Variants in OPCML observed in about 807,000 individuals in gnomAD.
OPCML encodes opioid binding protein/cell adhesion molecule like, also known as opioid-binding protein/cell adhesion molecule.
OPCML carries 13 observed loss-of-function variants against 37.8 expected under a neutral mutation model. That is an observed-to-expected ratio of 0.34 (90% CI 0.22 to 0.55). OPCML has a LOEUF of 0.55. Ranked by LOEUF, OPCML falls within the 20% of genes least tolerant of loss-of-function variation. OPCML has a pLI of 0.91. For missense variants in OPCML, 341 were observed against 435.6 expected (o/e 0.78, Z 1.93); for synonymous variants, 176 against 168.8 (o/e 1.04, Z -0.33).
Position 133,124,601 on chromosome 11 carries a change from C to T in OPCML, c.62-181591G>A, listed in dbSNP as rs1488372699. ...AGGTGTCCGTTCCAATCACAGAGCC[C>T]CACTGCAGAGCCCAGCAGACAGTAT... On this transcript the variant is annotated intron_variant, in intron 1 of 7. Coordinates refer to ENST00000524381, the MANE Select transcript of OPCML (RefSeq NM_001012393.5). 3.3e-5 allele frequency among the ~76,000 whole-genome samples: 5 copies of T among 152,106 alleles called. No homozygotes were observed. In the East Asian group the frequency reaches 9.6e-4, roughly 29 times the overall value.
intron 2 of OPCML, among the ~76,000 whole-genome samples, chr11:132,826,496 A>T (rs754237739): frequency 1.3e-5 from 2 of 152,294 alleles, no homozygotes; most frequent in African/African-American, 2.4e-5. Context: ...AGGTGAAAAA[A>T]ATGTGAAAGG....
chr11:133,515,151 C>A (rs1948238526), intron 1 of OPCML, among the ~76,000 whole-genome samples: 1 of 152,222 alleles, frequency 6.6e-6, no homozygotes. Flanking sequence ...GAACCAGAAG[C>A]TCCTCACAGA....
At chr11:132,911,552 A>C (rs1206595551) in intron 2 of OPCML, among the ~76,000 whole-genome samples, 2 of 152,204 alleles carry the variant, frequency 1.3e-5, no homozygotes, top group Non-Finnish European at 2.9e-5. Context: ...AAGAAAGTCA[A>C]ACACAGAGAC....
chr11:133,034,751 C>CT (rs5795815), intron 1 of OPCML, among the ~76,000 whole-genome samples: 1,465 of 141,706 alleles, frequency 0.01, 16 homozygotes, highest in East Asian at 0.028. Context: ...GTTTTTTTTC[C>CT]TTTTTTTTTT....
At chr11:133,285,125 AC>A (rs1304321689) in intron 1 of OPCML, among the ~76,000 whole-genome samples, 2 of 152,198 alleles carry the variant, frequency 1.3e-5, no homozygotes, top group African/African-American at 4.8e-5. Flanking sequence ...CTAGATGAGA[AC>A]CCAAGACACG....
At chr11:132,826,874 T>C (rs962985359) in intron 2 of OPCML, among the ~76,000 whole-genome samples, 4 of 152,168 alleles carry the variant, frequency 2.6e-5, no homozygotes, top group Non-Finnish European at 5.9e-5. Context: ...CTGAATACTT[T>C]TAGTGTCCAT....
At chr11:133,386,898 C>T (rs535904864) in intron 1 of OPCML, among the ~76,000 whole-genome samples, 1 of 152,316 alleles carries the variant, frequency 6.6e-6, no homozygotes, top group South Asian at 2.1e-4. Context: ...AGACAGAATG[C>T]TCAGGGTATC....
At chr11:132,693,415 C>T (rs985396550) in intron 2 of OPCML, among the ~76,000 whole-genome samples, 1 of 152,126 alleles carries the variant, frequency 6.6e-6, no homozygotes, top group Non-Finnish European at 1.5e-5. Flanking sequence ...CCACTGGGGC[C>T]CTAAGTGATT....
At chr11:133,129,512 A>G (rs1179500034) in intron 1 of OPCML, among the ~76,000 whole-genome samples, 1 of 152,222 alleles carries the variant, frequency 6.6e-6, no homozygotes, top group Non-Finnish European at 1.5e-5. Flanking sequence ...ATCCCAGGAC[A>G]AAGGTCAATA....
chr11:132,847,001 G>A (rs892189944), intron 2 of OPCML, among the ~76,000 whole-genome samples: 8 of 152,194 alleles, frequency 5.3e-5, no homozygotes, highest in Admixed American at 3.3e-4. Context: ...ACATAAAGAT[G>A]TTCCCCCCAA....
chr11:133,182,816 G>A (rs1483049217), intron 1 of OPCML, among the ~76,000 whole-genome samples: 1 of 152,136 alleles, frequency 6.6e-6, no homozygotes, highest in Non-Finnish European at 1.5e-5. Context: ...GCGAAAGGAT[G>A]TGCATATATA....
At chr11:132,833,198 T>G (rs1283508518) in intron 2 of OPCML, among the ~76,000 whole-genome samples, 1 of 152,266 alleles carries the variant, frequency 6.6e-6, no homozygotes, top group East Asian at 1.9e-4. Context: ...AATACAAATT[T>G]GTACATCACA....
chr11:133,217,176 C>G (rs905063759), intron 1 of OPCML, among the ~76,000 whole-genome samples: 2 of 152,300 alleles, frequency 1.3e-5, no homozygotes, highest in Non-Finnish European at 2.9e-5. Flanking sequence ...ACTAGACCCC[C>G]CATCTCTCTT....
At chr11:133,204,052 C>G (rs1938921727) in intron 1 of OPCML, among the ~76,000 whole-genome samples, 2 of 52,046 alleles carry the variant, frequency 3.8e-5, no homozygotes. Context: ...GAGCGAGACT[C>G]TGTCTCAAAA....
At chr11:133,471,535 G>A (rs1402355260) in intron 1 of OPCML, among the ~76,000 whole-genome samples, 2 of 152,146 alleles carry the variant, frequency 1.3e-5, no homozygotes, top group Non-Finnish European at 2.9e-5. Flanking sequence ...AGGGGAACTG[G>A]TTGGCTGGGG....
At chr11:132,910,481 C>T (rs545724274) in intron 2 of OPCML, among the ~76,000 whole-genome samples, 23 of 152,354 alleles carry the variant, frequency 1.5e-4, no homozygotes, top group Non-Finnish European at 2.5e-4. Context: ...CCAAAATCTT[C>T]ACATAGGGAG....
chr11:132,902,023 C>T (rs902555312), intron 2 of OPCML, among the ~76,000 whole-genome samples: 3 of 152,138 alleles, frequency 2.0e-5, no homozygotes, highest in African/African-American at 4.8e-5. Flanking sequence ...CTTTTTACTC[C>T]AGCATAAGGT....
intron 1 of OPCML, among the ~76,000 whole-genome samples, chr11:133,367,710 A>C (rs1055315415): frequency 5.9e-5 from 9 of 152,222 alleles, no homozygotes; most frequent in Non-Finnish European, 1.2e-4. Context: ...GTTTTACAGA[A>C]GTCAAAGACT....
intron 1 of OPCML, among the ~76,000 whole-genome samples, chr11:133,050,988 T>C (rs1948119548): frequency 6.6e-6 from 1 of 152,084 alleles, no homozygotes; most frequent in African/African-American, 2.4e-5. Context: ...TAAAATATTT[T>C]GCATACAGCC....
Sources: gnomAD v4.1 joint callset for allele counts (sites outside exome capture counted in the v4.1 genomes callset) on GRCh38, gnomAD v4.1.1 for gene constraint, MANE v1.5 for transcripts, NCBI Gene and HGNC (gene_info 2026-07-23, HGNC 2026-07-21) for gene names.